CDH6: variants seen among roughly 807,000 people sequenced by gnomAD.
CDH6 encodes cadherin-6.
A neutral mutation model predicts 78.0 loss-of-function variants in CDH6; 31 were observed. The ratio of observed to expected loss-of-function variants is 0.40; its 90% CI spans 0.30 to 0.54. The LOEUF (loss-of-function observed/expected upper bound fraction) is 0.54. Among genes scored for constraint, CDH6 ranks in the 20% least tolerant of loss-of-function variants. CDH6 has a pLI of 0.56. For synonymous variants in CDH6, 376 were observed against 368.8 expected (o/e 1.02, Z -0.23); for missense variants, 724 against 975.9 (o/e 0.74, Z 3.44).
chr5:31,283,086 C>T (rs1348469774), intron 2 of CDH6, among the ~76,000 whole-genome samples: 6 of 152,066 alleles, frequency 3.9e-5, no homozygotes, highest in African/African-American at 1.4e-4. Context: ...TTTTCTGACC[C>T]CAGGGGACAT....
chr5:31,296,055 G>C (rs1304785725), intron 3 of CDH6, among the ~76,000 whole-genome samples: 2 of 152,156 alleles, frequency 1.3e-5, no homozygotes. Flanking sequence ...TTGTGCATCA[G>C]CACTATACAT....
chr5:31,210,213 G>A (rs1206441028), intron 1 of CDH6, among the ~76,000 whole-genome samples: 1 of 152,060 alleles, frequency 6.6e-6, no homozygotes, highest in Non-Finnish European at 1.5e-5. Flanking sequence ...CTATGATTTA[G>A]TCACTTAAAG....
rs182150840 is a variant in CDH6, at chr5:31,297,974, C to A, written c.643+566C>A. ...ATGGTGAACAAAGCTACCTGCTTAC[C>A]TGCTCAGAGCATGAGTGAAAAATAA... On this transcript the variant is annotated intron_variant, in intron 4 of 11. Coordinates refer to ENST00000265071, the MANE Select transcript of CDH6 (RefSeq NM_004932.4). Among the ~76,000 whole-genome samples the A allele has an allele frequency of 4.6e-3, 698 of 152,302 alleles. 5 individuals are homozygous for A. Among genetic ancestry groups the A allele is most frequent in the Admixed American group, 6.9e-3 (105 of 15,294 alleles).
chr5:31,252,765 T>G (rs891024532), intron 1 of CDH6, among the ~76,000 whole-genome samples: 4 of 135,004 alleles, frequency 3.0e-5, no homozygotes, highest in Non-Finnish European at 4.5e-5. Context: ...GAGCTTTTTG[T>G]TTTTTTTTTA....
At chr5:31,233,779 A>C (rs1741380872) in intron 1 of CDH6, among the ~76,000 whole-genome samples, 1 of 152,116 alleles carries the variant, frequency 6.6e-6, no homozygotes, top group Non-Finnish European at 1.5e-5. Context: ...TGACTTTATA[A>C]AACACCCACC....
At chr5:31,317,572 T>TATGTAC in intron 10 of CDH6, 80 bp downstream of exon 10, 2 of 1,487,258 alleles carry the variant, frequency 1.3e-6, no homozygotes, top group Non-Finnish European at 1.9e-6. Flanking sequence ...TGTATATGTA[T>TATGTAC]ATGTACATAT....
intron 1 of CDH6, among the ~76,000 whole-genome samples, chr5:31,214,092 G>A (rs1355180697): frequency 6.6e-6 from 1 of 150,642 alleles, no homozygotes. Context: ...TGATTTACCA[G>A]AGGGGGCCTT....
Position 31,265,345 on chromosome 5 carries a change from A to G in CDH6, c.-128-2001A>G, listed in dbSNP as rs1341208063. 3.9e-5 allele frequency among the ~76,000 whole-genome samples: 6 copies of G among 152,332 alleles called. No homozygotes were observed. In the East Asian group the frequency reaches 1.2e-3, roughly 29 times the overall value. ...GTATACTGTTGCCTGGCATTTTTCC[A>G]GTATGGCTAATTGTCGCAGTACTAA... On this transcript the variant is annotated intron_variant, in intron 1 of 11. Transcript: ENST00000265071.
intron 1 of CDH6, among the ~76,000 whole-genome samples, chr5:31,244,364 C>T (rs992210312): frequency 6.6e-6 from 1 of 152,206 alleles, no homozygotes; most frequent in Admixed American, 6.5e-5. Context: ...CTTTGGAAGG[C>T]TCTGTTATTG....
intron 1 of CDH6, among the ~76,000 whole-genome samples, chr5:31,205,557 A>G (rs1740492931): frequency 6.6e-6 from 1 of 152,232 alleles, no homozygotes; most frequent in Admixed American, 6.5e-5. Flanking sequence ...TTGTGTTTGG[A>G]AACAGAATGT....
At chr5:31,204,743 C>A (rs774847249) in intron 1 of CDH6, among the ~76,000 whole-genome samples, 2 of 152,020 alleles carry the variant, frequency 1.3e-5, no homozygotes, top group African/African-American at 2.4e-5. Flanking sequence ...AAACCTGTCC[C>A]GTTTTGGATT....
At chr5:31,301,119 T>C (rs1295977434) in intron 5 of CDH6, among the ~76,000 whole-genome samples, 5 of 151,992 alleles carry the variant, frequency 3.3e-5, no homozygotes, top group African/African-American at 9.7e-5. Context: ...GGAAATCCTG[T>C]CCAAAAAAAA....
At chr5:31,291,611 G>T (rs147622203) in intron 2 of CDH6, among the ~76,000 whole-genome samples, 1 of 152,158 alleles carries the variant, frequency 6.6e-6, no homozygotes, top group Non-Finnish European at 1.5e-5. Flanking sequence ...CGTGCCCCCC[G>T]CACTGTGCCA....
At chr5:31,207,881 A>G (rs1740578960) in intron 1 of CDH6, among the ~76,000 whole-genome samples, 1 of 152,186 alleles carries the variant, frequency 6.6e-6, no homozygotes, top group African/African-American at 2.4e-5. Context: ...CAGAAGGGAA[A>G]TATTCCCGAG....
intron 2 of CDH6, among the ~76,000 whole-genome samples, chr5:31,271,681 G>C (rs951998457): frequency 1.3e-5 from 2 of 152,110 alleles, no homozygotes; most frequent in African/African-American, 4.8e-5. Flanking sequence ...GGATGTGATT[G>C]TTTTCTAAAC....
Position 31,323,756 on chromosome 5 carries a change from T to C in CDH6, c.*448T>C, listed in dbSNP as rs1460627900. 1 of 238,958 alleles carries C rather than the reference T, an allele frequency of 4.2e-6. No individual in the cohort carries two copies. Among genetic ancestry groups the C allele is most frequent in the Non-Finnish European group, 8.3e-6 (1 of 120,734 alleles). 14.8% of individuals were successfully genotyped at this position (238,958 alleles called of 1,614,324 possible). A position where few individuals can be genotyped will look rare whatever the true frequency, so the allele number is the denominator to read the frequency against. On this transcript the variant is annotated 3_prime_UTR_variant, in exon 12 of 12. Transcript: ENST00000265071. ...GAGGGCATATCGGCTCACAAAGAGATAAACTACATAGGGGTGTTTATTTGT... is the reference window on the plus strand; with the variant it reads ...GAGGGCATATCGGCTCACAAAGAGACAAACTACATAGGGGTGTTTATTTGT...
chr5:31,249,918 A>C (rs1402094314), intron 1 of CDH6: 1 of 152,260 alleles, frequency 6.6e-6, no homozygotes. Flanking sequence ...CCCAAGTCAA[A>C]AGGGTGCCCT....
At chr5:31,317,138 G>A (rs1738347204) in intron 9 of CDH6, among the ~76,000 whole-genome samples, 1 of 152,120 alleles carries the variant, frequency 6.6e-6, no homozygotes, top group Admixed American at 6.5e-5. Context: ...AGGCCAGGGT[G>A]GCTGCTAAAC....
intron 2 of CDH6, among the ~76,000 whole-genome samples, chr5:31,273,140 T>C (rs1742577381): frequency 6.6e-6 from 1 of 152,222 alleles, no homozygotes. Context: ...TATAATTACA[T>C]GATCCAAATT....
Sources: allele counts gnomAD v4.1 joint callset (sites outside exome capture counted in the v4.1 genomes callset), GRCh38; gene constraint gnomAD v4.1.1; transcripts MANE v1.5; gene names NCBI Gene and HGNC (gene_info 2026-07-23, HGNC 2026-07-21).